The following HEMK2 variants were observed in gnomAD, a reference collection of about 807,000 sequenced individuals.
The protein encoded by HEMK2 is HemK methyltransferase 2, ETF1 glutamine and histone H4 lysine, also known as methyltransferase HEMK2.
the HEMK2 span, among the ~76,000 whole-genome samples, chr21:28,784,420 A>G: frequency 6.6e-6 from 1 of 151,374 alleles, no homozygotes; most frequent in Non-Finnish European, 1.5e-5. Flanking sequence ...CTCTGTGTCT[A>G]GCTAATCTAG....
the HEMK2 span, among the ~76,000 whole-genome samples, chr21:28,791,061 T>C: frequency 1.3e-5 from 2 of 152,170 alleles, no homozygotes; most frequent in African/African-American, 4.8e-5. Flanking sequence ...AGCCAGTGGT[T>C]AGACATAGAA....
At chr21:28,672,591 G>A in the HEMK2 span, among the ~76,000 whole-genome samples, 1 of 152,058 alleles carries the variant, frequency 6.6e-6, no homozygotes, top group Non-Finnish European at 1.5e-5. Flanking sequence ...TCTCCAGGAG[G>A]TGGTCTTTCT....
At chr21:28,867,101 A>T in the HEMK2 span, among the ~76,000 whole-genome samples, 2 of 152,204 alleles carry the variant, frequency 1.3e-5, no homozygotes, top group Non-Finnish European at 1.5e-5. Flanking sequence ...ACAATTTGGC[A>T]TTATCAGGTA....
chr21:28,690,262 C>A, the HEMK2 span, among the ~76,000 whole-genome samples: 18 of 152,122 alleles, frequency 1.2e-4, no homozygotes, highest in Non-Finnish European at 4.4e-5. Flanking sequence ...ACAGCCAAAC[C>A]ATATCACTGA....
the HEMK2 span, among the ~76,000 whole-genome samples, chr21:28,822,991 C>A: frequency 6.6e-6 from 1 of 152,092 alleles, no homozygotes; most frequent in East Asian, 1.9e-4. Flanking sequence ...TCTGTTCAGG[C>A]TCTCTCATGT....
At chr21:28,852,276 T>C in the HEMK2 span, among the ~76,000 whole-genome samples, 1 of 152,228 alleles carries the variant, frequency 6.6e-6, no homozygotes, top group African/African-American at 2.4e-5. Flanking sequence ...GGAGCCAATG[T>C]GTGGGTTCTG....
the HEMK2 span, among the ~76,000 whole-genome samples, chr21:28,883,284 G>C: frequency 1.3e-5 from 2 of 152,162 alleles, no homozygotes; most frequent in South Asian, 4.1e-4. Flanking sequence ...CGTAATATAA[G>C]TCCATAAAAG....
At chr21:28,603,088 C>A in the HEMK2 span, among the ~76,000 whole-genome samples, 1 of 152,190 alleles carries the variant, frequency 6.6e-6, no homozygotes, top group Non-Finnish European at 1.5e-5. Flanking sequence ...TCCTTGGCCT[C>A]CAGTGGGGAC....
the HEMK2 span, chr21:28,885,293 G>A: frequency 6.3e-7 from 1 of 1,591,422 alleles, no homozygotes; most frequent in Non-Finnish European, 8.6e-7. Flanking sequence ...GTCGCTGAAG[G>A]CGCCGCGGCC....
At chr21:28,819,581 T>TGTCGCCA in the HEMK2 span, among the ~76,000 whole-genome samples, 1 of 146,276 alleles carries the variant, frequency 6.8e-6, no homozygotes, top group Non-Finnish European at 1.5e-5. Flanking sequence ...AGTCTTAATC[T>TGTCGCCA]GTCGCCAGGC....
At chr21:28,705,077 A>C in the HEMK2 span, among the ~76,000 whole-genome samples, 20 of 152,306 alleles carry the variant, frequency 1.3e-4, no homozygotes, top group South Asian at 2.1e-4. Context: ...AGGGTGAAAG[A>C]AATAGAAACT....
the HEMK2 span, among the ~76,000 whole-genome samples, chr21:28,731,594 C>G: frequency 1.5e-5 from 2 of 131,524 alleles, no homozygotes; most frequent in Admixed American, 7.9e-5. Context: ...CATCACACTC[C>G]GGGAACTGTT....
chr21:28,716,903 T>C, the HEMK2 span, among the ~76,000 whole-genome samples: 2 of 152,214 alleles, frequency 1.3e-5, no homozygotes, highest in African/African-American at 4.8e-5. Context: ...AGTTTTTAGT[T>C]GTGTGGTGAA....
At chr21:28,775,949 G>A in the HEMK2 span, among the ~76,000 whole-genome samples, 62 of 151,732 alleles carry the variant, frequency 4.1e-4, no homozygotes, top group Non-Finnish European at 6.8e-4. Context: ...CAGTAGAGTG[G>A]TGGAAATTGG....
At chr21:28,839,230 TA>T in the HEMK2 span, among the ~76,000 whole-genome samples, 309 of 151,772 alleles carry the variant, frequency 2.0e-3, 1 homozygote, top group African/African-American at 7.2e-3. Flanking sequence ...CTTAATGTAA[TA>T]AAAGCCATCT....
chr21:28,695,027 A>G, the HEMK2 span, among the ~76,000 whole-genome samples: 2 of 151,938 alleles, frequency 1.3e-5, no homozygotes, highest in Non-Finnish European at 2.9e-5. Flanking sequence ...TCAACATTGT[A>G]AAACTTTGCT....
chr21:28,819,291 CAAA>C, the HEMK2 span, among the ~76,000 whole-genome samples: 251 of 108,504 alleles, frequency 2.3e-3, 2 homozygotes, highest in African/African-American at 7.2e-3. Flanking sequence ...TTTATTAGCT[CAAA>C]AAAAAAAAAA....
chr21:28,631,616 T>C, the HEMK2 span, among the ~76,000 whole-genome samples: 1 of 152,320 alleles, frequency 6.6e-6, no homozygotes, highest in East Asian at 1.9e-4. Flanking sequence ...GTTAATCCTT[T>C]ATATGAAACT....
chr21:28,591,168 C>G, the HEMK2 span, among the ~76,000 whole-genome samples: 1 of 152,156 alleles, frequency 6.6e-6, no homozygotes, highest in Non-Finnish European at 1.5e-5. Flanking sequence ...CCAAATATGA[C>G]TTCATTAATT....
Sources: allele counts gnomAD v4.1 joint callset (sites outside exome capture counted in the v4.1 genomes callset), GRCh38; gene constraint gnomAD v4.1.1; transcripts MANE v1.5; gene names NCBI Gene and HGNC (gene_info 2026-07-23, HGNC 2026-07-21).